LAP3: variants seen among roughly 807,000 people sequenced by gnomAD.
The protein encoded by LAP3 is leucine aminopeptidase 3.
In LAP3, 46 loss-of-function variants were observed where a neutral mutation model predicts 58.8. That is an observed-to-expected ratio of 0.78 (90% CI 0.62 to 1.00). LAP3 has a LOEUF of 1.00. LAP3 is among the 50% of genes least tolerant of loss of function. LAP3 has a pLI of 0.00. For synonymous variants in LAP3, 257 were observed against 237.7 expected (o/e 1.08, Z -0.75); for missense variants, 615 against 659.1 (o/e 0.93, Z 0.73).
In LAP3 at chr4:17,577,512, G is replaced by A; in HGVS notation, c.47G>A (p.Arg16His). The part of the protein sequence containing the change: ...LPAAGRVVVR[R>H]LAVRRFGSRS... ...GCTGCGGGGCGAGTAGTCGTCCGAC[G>A]TCTGGCCGTGAGACGTTTCGGGAGC... Residue 16 changes from arginine (R) to histidine (H), a missense_variant, in exon 1 of 13, where the codon CGT becomes CAT. Coordinates refer to ENST00000226299, the MANE Select transcript of LAP3 (RefSeq NM_015907.3). 6.3e-7 allele frequency: 1 copy of A among 1,587,100 alleles called. No homozygotes were observed. Among genetic ancestry groups the A allele is most frequent in the South Asian group, 1.1e-5 (1 of 87,230 alleles).
intron 6 of LAP3, chr4:17,586,182 C>A (rs1713509726): frequency 6.6e-6 from 1 of 152,186 alleles, no homozygotes; most frequent in Non-Finnish European, 1.5e-5. Context: ...GATCTCCAGC[C>A]CTTTAAGCAA....
intron 10 of LAP3, among the ~76,000 whole-genome samples, chr4:17,603,618 C>T (rs1277331657): frequency 6.6e-6 from 1 of 151,326 alleles, no homozygotes; most frequent in Non-Finnish European, 1.5e-5. Flanking sequence ...GCGGTTCAAG[C>T]GATTCTCCTG....
chr4:17,582,150 T>G, intron 3 of LAP3, 138 bp from the exon 4 acceptor site: 1 of 713,194 alleles, frequency 1.4e-6, no homozygotes. Context: ...ACAACCAAAT[T>G]TCACCGTGCG....
intron 6 of LAP3, chr4:17,585,816 G>A (rs1267677715): frequency 6.6e-6 from 1 of 152,226 alleles, no homozygotes; most frequent in Non-Finnish European, 1.5e-5. Flanking sequence ...CCCATTAGCA[G>A]TTACTCCCTG....
rs114724538 is a variant in LAP3, at chr4:17,602,013, G to A, written c.1181-2575G>A. 2.5e-3 allele frequency among the ~76,000 whole-genome samples: 388 copies of A among 152,298 alleles called. 5 individuals are homozygous for A. Among genetic ancestry groups the A allele is most frequent in the African/African-American group, 8.6e-3 (357 of 41,578 alleles). On this transcript the variant is annotated intron_variant, in intron 10 of 12. Coordinates refer to ENST00000226299, the MANE Select transcript of LAP3 (RefSeq NM_015907.3). The stretch of plus-strand genomic sequence containing the variant: ...GAGAGATGCTAATGAGCAGTTTCAT[G>A]TAAAGACATGGTTAAGAATTTAAGG...
intron 12 of LAP3, 88 bp from the exon 13 acceptor site, chr4:17,607,311 CT>C: frequency 9.0e-7 from 1 of 1,105,656 alleles, no homozygotes. Flanking sequence ...GACTCTTGTT[CT>C]TTGGTTATAG....
At chr4:17,604,292 A>C (rs919607777) in intron 10 of LAP3, among the ~76,000 whole-genome samples, 1 of 143,196 alleles carries the variant, frequency 7.0e-6, no homozygotes, top group Non-Finnish European at 1.5e-5. Context: ...AAAAAAAAAA[A>C]GGTTTAGATG....
In LAP3 at chr4:17,595,604, A is replaced by G. The variant is rs962375336; in HGVS notation, c.988+70A>G. On this transcript the variant is annotated intron_variant, in intron 8 of 12. Coordinates refer to ENST00000226299, the MANE Select transcript of LAP3 (RefSeq NM_015907.3). ...AGCCAGGTGGGAGAAGAGAGACAAC[A>G]GATATGATTTCCCCTAATCTGAAAA... is the stretch of plus-strand genomic sequence containing the variant. The G allele has an allele frequency of 1.5e-5, 22 of 1,497,472 alleles. No homozygotes were observed. In the Admixed American group the frequency reaches 3.9e-4, roughly 26 times the overall value. 92.8% of individuals were successfully genotyped at this position (1,497,472 alleles called of 1,614,324 possible).
intron 5 of LAP3, chr4:17,584,770 C>G (rs531026213): frequency 6.3e-6 from 3 of 478,540 alleles, no homozygotes; most frequent in Non-Finnish European, 1.1e-5. Context: ...CTTTGTGTGG[C>G]CATGTTTTCT....
At chr4:17,593,079 T>C (rs4698623) in intron 7 of LAP3, among the ~76,000 whole-genome samples, 87,268 of 152,164 alleles carry the variant, frequency 0.57, 26,763 homozygotes, top group East Asian at 0.88. Flanking sequence ...GATACAGGCA[T>C]GAGCCATCAC....
In LAP3 at chr4:17,577,393, C is replaced by A. The variant is rs1713225254; in HGVS notation, c.-73C>A. On this transcript the variant is annotated 5_prime_UTR_variant, in exon 1 of 13. Transcript: ENST00000226299. ...CACGCCGTCTGCGCCCCGAAAGCCC[C>A]GCCCCAAGGCGCGCCCGCCCACCGC... 2 of 1,221,630 alleles carry A rather than the reference C, an allele frequency of 1.6e-6. No individual in the cohort carries two copies. Among genetic ancestry groups the A allele is most frequent in the South Asian group, 1.6e-5 (1 of 61,892 alleles). 75.7% of individuals were successfully genotyped at this position (1,221,630 alleles called of 1,614,324 possible).
chr4:17,579,792 C>A, intron 1 of LAP3, 32 bp from the exon 2 acceptor site: 1 of 1,266,854 alleles, frequency 7.9e-7, no homozygotes. Flanking sequence ...TACTCTAATT[C>A]TATTATATTT....
chr4:17,592,478 T>C (rs542952792), intron 7 of LAP3, among the ~76,000 whole-genome samples: 79 of 152,340 alleles, frequency 5.2e-4, no homozygotes, highest in African/African-American at 1.7e-3. Flanking sequence ...TGGTGGAAAT[T>C]TGTGTTGTTT....
intron 6 of LAP3, among the ~76,000 whole-genome samples, chr4:17,588,356 G>C (rs534515944): frequency 7.2e-4 from 109 of 151,886 alleles, no homozygotes; most frequent in African/African-American, 2.6e-3. Flanking sequence ...TTTTGCCCAG[G>C]CTGGTTTCAA....
At chr4:17,590,652 A>G (rs1313763737) in intron 7 of LAP3, among the ~76,000 whole-genome samples, 1 of 151,084 alleles carries the variant, frequency 6.6e-6, no homozygotes, top group Admixed American at 6.6e-5. Flanking sequence ...GCTCACTGCA[A>G]GCTCCGCCTC....
At chr4:17,596,628 C>T (rs566638446) in intron 8 of LAP3, among the ~76,000 whole-genome samples, 71 of 152,302 alleles carry the variant, frequency 4.7e-4, no homozygotes, top group African/African-American at 1.5e-3. Flanking sequence ...CATGAGCCAC[C>T]GCGCCTGGCC....
intron 10 of LAP3, among the ~76,000 whole-genome samples, chr4:17,601,847 T>C (rs990468571): frequency 1.3e-5 from 2 of 152,164 alleles, no homozygotes; most frequent in Non-Finnish European, 2.9e-5. Context: ...CTTCAAAATA[T>C]TTTCTGTTGA....
chr4:17,584,947 A>C (rs774760559), intron 5 of LAP3, 25 bp from the exon 6 acceptor site: 5 of 1,609,334 alleles, frequency 3.1e-6, no homozygotes, highest in Non-Finnish European at 4.2e-6. Context: ...GTTGTTTGAC[A>C]GTCACTTTAT....
chr4:17,591,163 G>C (rs1713682656), intron 7 of LAP3, among the ~76,000 whole-genome samples: 1 of 151,858 alleles, frequency 6.6e-6, no homozygotes, highest in Admixed American at 6.6e-5. Flanking sequence ...TGCAACCTCT[G>C]CCTCCTTGGT....
Sources: allele counts gnomAD v4.1 joint callset (sites outside exome capture counted in the v4.1 genomes callset), GRCh38; gene constraint gnomAD v4.1.1; transcripts MANE v1.5; gene names NCBI Gene and HGNC (gene_info 2026-07-23, HGNC 2026-07-21).